Variants in TYW1 observed in about 807,000 individuals in gnomAD.
TYW1 encodes tRNA-yW synthesizing protein 1 homolog.
A neutral mutation model predicts 96.2 loss-of-function variants in TYW1; 46 were observed. That is an observed-to-expected ratio of 0.48 (90% CI 0.38 to 0.61). The LOEUF is 0.61. Among genes scored for constraint, TYW1 ranks in the 20% least tolerant of loss-of-function variants. TYW1 has a pLI of 0.00. For missense variants in TYW1, 684 were observed against 909.6 expected (o/e 0.75, Z 3.19); for synonymous variants, 274 against 323.0 (o/e 0.85, Z 1.63).
At position 67,067,400 on chromosome 7, in the gene TYW1, G is replaced by A; in HGVS notation, c.1271G>A (p.Trp424Ter). Reference sequence around the variant, plus strand: ...TGTGCTAATAAATGTGTCTTCTGTTGGCGGTAAGTAAAAATGAAAGGTCAT... The same window carrying A: ...TGTGCTAATAAATGTGTCTTCTGTTAGCGGTAAGTAAAAATGAAAGGTCAT... The part of the protein sequence containing the change: ...LACANKCVFC[W>*]RHHTNPVGTE... The change falls in exon 10 of 16, where the codon TGG becomes TAG. Residue 424 changes from tryptophan (W) to a stop codon, truncating the protein, a stop_gained. Coordinates refer to ENST00000359626, the MANE Select transcript of TYW1 (RefSeq NM_018264.4). LOFTEE classifies it high-confidence loss of function. 6.2e-7 allele frequency: 1 copy of A among 1,613,934 alleles called. No individual in the cohort carries two copies. The highest frequency in any genetic ancestry group is 8.5e-7 in the Non-Finnish European group (1 of 1,179,854).
chr7:67,109,067 A>G (rs1797323045), intron 12 of TYW1, among the ~76,000 whole-genome samples: 1 of 151,648 alleles, frequency 6.6e-6, no homozygotes, highest in Admixed American at 6.6e-5. Flanking sequence ...AGGTCAGGAG[A>G]TCGAGACCAT....
At chr7:67,144,871 A>G (rs553860368) in intron 13 of TYW1, among the ~76,000 whole-genome samples, 2 of 152,072 alleles carry the variant, frequency 1.3e-5, no homozygotes, top group Admixed American at 6.6e-5. Flanking sequence ...TTTATTTCCA[A>G]AAACTAATAC....
chr7:67,235,023 C>T (rs1329647206), intron 15 of TYW1, among the ~76,000 whole-genome samples: 1 of 152,062 alleles, frequency 6.6e-6, no homozygotes, highest in East Asian at 1.9e-4. Context: ...TTAGAACACC[C>T]ATGGTAAATG....
At chr7:67,002,849 CTTTTTTCTTTTTT>C (rs1170804555) in intron 3 of TYW1, among the ~76,000 whole-genome samples, 5 of 116,958 alleles carry the variant, frequency 4.3e-5, no homozygotes, top group African/African-American at 1.6e-4. Flanking sequence ...TTTTCTTTTT[CTTTTTTCTTTTTT>C]TTTTTTTTTG....
chr7:67,221,089 T>TTGAAGTCTC (rs1316678185), intron 15 of TYW1, among the ~76,000 whole-genome samples: 2 of 152,246 alleles, frequency 1.3e-5, no homozygotes, highest in African/African-American at 4.8e-5. Context: ...GAATGAGGTA[T>TTGAAGTCTC]TGAAGTCTCT....
chr7:67,094,632 A>AAG (rs367982102), intron 11 of TYW1, among the ~76,000 whole-genome samples: 21 of 138,978 alleles, frequency 1.5e-4, no homozygotes, highest in Admixed American at 6.1e-4. Flanking sequence ...GTGTGGGAGG[A>AAG]AGAGAGAGAG....
intron 7 of TYW1, among the ~76,000 whole-genome samples, chr7:67,035,306 G>A (rs1386612411): frequency 6.6e-6 from 1 of 151,832 alleles, no homozygotes; most frequent in Non-Finnish European, 1.5e-5. Flanking sequence ...TTATAGAGAT[G>A]GGGTTTCACC....
chr7:67,100,359 G>C (rs1243009101), intron 12 of TYW1, among the ~76,000 whole-genome samples: 1 of 151,730 alleles, frequency 6.6e-6, no homozygotes, highest in Admixed American at 6.6e-5. Context: ...TTATGTATTG[G>C]TGTTTTCCCC....
intron 10 of TYW1, among the ~76,000 whole-genome samples, chr7:67,073,767 C>CAAAAAAAAA (rs71526599): frequency 2.4e-5 from 1 of 42,322 alleles, no homozygotes; most frequent in Non-Finnish European, 4.0e-5. Flanking sequence ...CGAGACTCTT[C>CAAAAAAAAA]AAAAAAAAAA....
Position 67,238,683 on chromosome 7 carries a change from C to T in TYW1, c.*154C>T, listed in dbSNP as rs1460797370. On this transcript the variant is annotated 3_prime_UTR_variant, in exon 16 of 16. Transcript: ENST00000359626. Reference sequence around the variant, plus strand: ...GTAAACATGGAGACACGGGGGACAGCGTCCACACTCAGAGGGCCTGGGCCA... The same window carrying T: ...GTAAACATGGAGACACGGGGGACAGTGTCCACACTCAGAGGGCCTGGGCCA... 31 of 1,437,204 alleles carry T rather than the reference C, an allele frequency of 2.2e-5. No homozygotes were observed. Among genetic ancestry groups the T allele is most frequent in the South Asian group, 1.8e-4 (12 of 65,386 alleles). 89.0% of individuals were successfully genotyped at this position (1,437,204 alleles called of 1,614,324 possible).
At chr7:67,037,811 A>G (rs1055169868) in intron 7 of TYW1, among the ~76,000 whole-genome samples, 2 of 152,156 alleles carry the variant, frequency 1.3e-5, no homozygotes, top group East Asian at 1.9e-4. Flanking sequence ...ATTAATAAAA[A>G]AAATTTAAAA....
At chr7:67,177,543 A>C (rs1447403668) in intron 13 of TYW1, among the ~76,000 whole-genome samples, 2 of 152,246 alleles carry the variant, frequency 1.3e-5, no homozygotes, top group Non-Finnish European at 2.9e-5. Flanking sequence ...CCAACAGAGA[A>C]ATATTCAAGA....
intron 12 of TYW1, among the ~76,000 whole-genome samples, chr7:67,110,172 G>A (rs1797358412): frequency 6.6e-6 from 1 of 152,148 alleles, no homozygotes. Flanking sequence ...TAACAGCTAG[G>A]GCAGACAAGA....
chr7:67,228,539 C>T (rs185194910), intron 15 of TYW1, among the ~76,000 whole-genome samples: 282 of 152,248 alleles, frequency 1.9e-3, no homozygotes, highest in African/African-American at 6.6e-3. Context: ...AGGCTTTTTC[C>T]TAAAGGTTCT....
intron 15 of TYW1, among the ~76,000 whole-genome samples, chr7:67,201,863 C>T (rs1800609907): frequency 6.6e-6 from 1 of 152,182 alleles, no homozygotes; most frequent in African/African-American, 2.4e-5. Flanking sequence ...AGATACCTAG[C>T]AGTTCTATTT....
chr7:67,215,397 C>T (rs113567576), intron 15 of TYW1, among the ~76,000 whole-genome samples: 40,112 of 151,078 alleles, frequency 0.27, 5,681 homozygotes, highest in African/African-American at 0.36. Flanking sequence ...CTTGTAATAA[C>T]TCCTCAGGCT....
chr7:67,179,673 A>G (rs146944549), intron 13 of TYW1, among the ~76,000 whole-genome samples: 4,300 of 137,028 alleles, frequency 0.031, 433 homozygotes, highest in East Asian at 0.16. Context: ...TATTATTTTT[A>G]TGGTTACTGT....
chr7:67,072,198 C>T (rs951034582), intron 10 of TYW1, among the ~76,000 whole-genome samples: 1 of 149,648 alleles, frequency 6.7e-6, no homozygotes, highest in African/African-American at 2.5e-5. Context: ...TTTTTCTTAA[C>T]AGCAAGTTGT....
At chr7:67,052,282 T>C (rs1436410448) in intron 8 of TYW1, among the ~76,000 whole-genome samples, 7 of 152,152 alleles carry the variant, frequency 4.6e-5, no homozygotes, top group Non-Finnish European at 7.3e-5. Context: ...ACTACAGTTA[T>C]ATATGTAATA....
Sources: allele counts gnomAD v4.1 joint callset (sites outside exome capture counted in the v4.1 genomes callset), GRCh38; gene constraint gnomAD v4.1.1; transcripts MANE v1.5; gene names NCBI Gene and HGNC (gene_info 2026-07-23, HGNC 2026-07-21).